The following MARK4 variants were observed in gnomAD, a reference collection of about 807,000 sequenced individuals.
MARK4 encodes microtubule affinity regulating kinase 4, also known as MAP/microtubule affinity-regulating kinase 4.
MARK4 carries 19 observed loss-of-function variants against 81.5 expected under a neutral mutation model. The observed-to-expected ratio is 0.23, with a 90% CI of 0.16 to 0.34. MARK4 has a LOEUF of 0.34. Among genes scored for constraint, MARK4 ranks in the 10% least tolerant of loss-of-function variants. The pLI is 1.00. For missense variants in MARK4, 772 were observed against 1,058.8 expected (o/e 0.73, Z 3.76); for synonymous variants, 436 against 439.0 (o/e 0.99, Z 0.08).
chr19:45,274,871 G>A (rs1206474619), intron 8 of MARK4, among the ~76,000 whole-genome samples: 1 of 152,236 alleles, frequency 6.6e-6, no homozygotes, highest in Non-Finnish European at 1.5e-5. Context: ...ACACAGCTGA[G>A]AAGAGGCAGG....
chr19:45,276,323 G>A (rs1001600087), intron 8 of MARK4, among the ~76,000 whole-genome samples: 1 of 152,182 alleles, frequency 6.6e-6, no homozygotes, highest in Non-Finnish European at 1.5e-5. Context: ...CACCACGCCT[G>A]GCCTATTGCG....
Position 45,263,156 on chromosome 19 carries a change from G to A in MARK4, c.296G>A (p.Ser99Asn). The change falls in exon 3 of 17, where the codon AGC becomes AAC. Residue 99 changes from serine to asparagine, a missense_variant. Ser to Asn is a conservative substitution (Grantham distance 46, BLOSUM62 1). Coordinates refer to ENST00000262891, the MANE Select transcript of MARK4 (RefSeq NM_001199867.2). Reference protein sequence around the residue: ...IIDKTQLNPSSLQKLFREVRI... With the variant: ...IIDKTQLNPSNLQKLFREVRI... ...GACAAAACCCAGCTGAATCCCAGCA[G>A]CCTGCAGAAGGTGAGGCTGGGGAGA... The A allele has an allele frequency of 6.2e-7, 1 of 1,609,122 alleles. No homozygotes were observed. Among genetic ancestry groups the A allele is most frequent in the Non-Finnish European group, 8.5e-7 (1 of 1,177,668 alleles).
chr19:45,304,845 AAG>A lies in MARK4; in HGVS notation c.*2142_*2143del, dbSNP rs1232196668. ...ATGGCACATACAAGGGCCAGGGAGC[AAG>A]AGAGAGGACAGGTCCTCAACAAATG... On this transcript the variant is annotated 3_prime_UTR_variant, in exon 17 of 17. Coordinates refer to ENST00000262891, the MANE Select transcript of MARK4 (RefSeq NM_001199867.2). The A allele has an allele frequency of 2.0e-5, 3 of 152,388 alleles. No individual in the cohort carries two copies. Among genetic ancestry groups the A allele is most frequent in the African/African-American group, 7.2e-5 (3 of 41,468 alleles). The allele number at this position is 152,388 out of a possible 1,614,324, so 9.4% of individuals were successfully genotyped here.
chr19:45,302,360 TC>T lies in MARK4; in HGVS notation c.1923-13del. On this transcript the variant is annotated splice_polypyrimidine_tract_variant and intron_variant, in intron 16 of 16. Coordinates refer to ENST00000262891, the MANE Select transcript of MARK4 (RefSeq NM_001199867.2). The surrounding 1 kb of genome is among the most constrained non-coding windows in gnomAD (Gnocchi z 4.9). ...TCGCTCCCATCTCTGACCCCTGACA[TC>T]TTCTCGCCTCAGTTGCCATCTACCT... The T allele has an allele frequency of 6.2e-7, 1 of 1,614,078 alleles. No individual in the cohort carries two copies. The highest frequency in any genetic ancestry group is 8.5e-7 in the Non-Finnish European group (1 of 1,179,942).
intron 15 of MARK4, among the ~76,000 whole-genome samples, 160 bp from the exon 16 acceptor site, chr19:45,299,651 T>G (rs1458376802): frequency 6.6e-6 from 1 of 152,180 alleles, no homozygotes; most frequent in Non-Finnish European, 1.5e-5. Context: ...AGCCCCGTTA[T>G]GGGGATGGAC....
chr19:45,278,792 A>G (rs1318415292), intron 10 of MARK4, among the ~76,000 whole-genome samples, 177 bp downstream of exon 10: 2 of 152,130 alleles, frequency 1.3e-5, no homozygotes, highest in Non-Finnish European at 2.9e-5. Flanking sequence ...TTTAGTAGAG[A>G]CAGGGTTTTG....
chr19:45,284,448 G>A (rs548371803), intron 12 of MARK4, among the ~76,000 whole-genome samples: 4 of 151,666 alleles, frequency 2.6e-5, no homozygotes, highest in African/African-American at 4.8e-5. Context: ...TCAGCCTCCC[G>A]AGTAGCTGGG....
At chr19:45,295,745 C>G (rs1027001276) in intron 14 of MARK4, among the ~76,000 whole-genome samples, 4 of 152,120 alleles carry the variant, frequency 2.6e-5, no homozygotes, top group African/African-American at 9.7e-5. Context: ...CGCCACTGTA[C>G]TCCAGCCTGA....
chr19:45,254,340 G>A (rs1016081353), intron 1 of MARK4, among the ~76,000 whole-genome samples: 4 of 152,170 alleles, frequency 2.6e-5, no homozygotes, highest in African/African-American at 9.7e-5. Context: ...TGCCTTCAGC[G>A]TGGTGCCATC....
At chr19:45,290,237 G>A (rs1251978865) in intron 13 of MARK4, among the ~76,000 whole-genome samples, 1 of 152,254 alleles carries the variant, frequency 6.6e-6, no homozygotes, top group Non-Finnish European at 1.5e-5. Flanking sequence ...AAACACCCAA[G>A]GCAAACCAAG....
rs1970234876 is a variant in MARK4, at chr19:45,251,312, T to G, written c.-277T>G. On this transcript the variant is annotated 5_prime_UTR_variant, in exon 1 of 17. Transcript: ENST00000262891. ...TCCACCGCCTCCCTCCGCCGCCGCT[T>G]GGGCCGGCTCCGCGCCCCCTCCGCG... 1.6e-5 allele frequency: 2 copies of G among 128,436 alleles called. No homozygotes were observed. The highest frequency in any genetic ancestry group is 5.0e-4 in the South Asian group (2 of 3,998). The allele number at this position is 128,436 out of a possible 1,614,324, so 8.0% of individuals were successfully genotyped here. A position where few individuals can be genotyped will look rare whatever the true frequency, so the allele number is the denominator to read the frequency against.
rs345413 is a variant in MARK4, at chr19:45,271,210, C to A, written c.550-262C>A. Among the ~76,000 whole-genome samples, 993 of 152,278 alleles carry A rather than the reference C, an allele frequency of 6.5e-3. 18 individuals are homozygous for A. Among genetic ancestry groups the A allele is most frequent in the African/African-American group, 0.022 (920 of 41,558 alleles). On this transcript the variant is annotated intron_variant, in intron 7 of 16. Coordinates refer to ENST00000262891, the MANE Select transcript of MARK4 (RefSeq NM_001199867.2). This position sits in a 1 kb window ranked among gnomAD's most constrained non-coding sequence, Gnocchi z 4.1. ...CGTGAGCCACTATGTCTGGCCTGTG[C>A]TAGGTTTTCTATGTGGATTAACTCA... is the stretch of plus-strand genomic sequence containing the variant.
At chr19:45,257,917 CTG>C (rs1970330133) in intron 1 of MARK4, among the ~76,000 whole-genome samples, 1 of 150,392 alleles carries the variant, frequency 6.6e-6, no homozygotes, top group Non-Finnish European at 1.5e-5. Flanking sequence ...TCTCAATCTC[CTG>C]ACCTCGTGAT....
intron 12 of MARK4, among the ~76,000 whole-genome samples, chr19:45,285,114 C>T (rs1410582864): frequency 6.6e-6 from 1 of 151,590 alleles, no homozygotes; most frequent in Non-Finnish European, 1.5e-5. Context: ...AAACAATTAG[C>T]TGGGCATGGT....
chr19:45,278,689 C>T (rs990299111), intron 10 of MARK4, 74 bp downstream of exon 10: 52 of 1,105,894 alleles, frequency 4.7e-5, no homozygotes, highest in East Asian at 2.5e-4. Flanking sequence ...CTGCAACCTC[C>T]GCCTCCCAGA....
At chr19:45,282,482 C>G (rs1970688855) in intron 12 of MARK4, among the ~76,000 whole-genome samples, 1 of 149,710 alleles carries the variant, frequency 6.7e-6, no homozygotes, top group Non-Finnish European at 1.5e-5. Flanking sequence ...TGCTTGAGCC[C>G]AGGAGTTCTA....
chr19:45,302,404 C>T lies in MARK4; in HGVS notation c.1953C>T (p.Thr651=), dbSNP rs927594279. 7.4e-6 allele frequency: 12 copies of T among 1,614,184 alleles called. No homozygotes were observed. Among genetic ancestry groups the T allele is most frequent in the Non-Finnish European group, 1.0e-5 (12 of 1,179,996 alleles). ...ATCTACCTTGGGATCAAACGGAAACCGCCCCCCGGCTGCTCCGATTCCCCT... is the reference window on the plus strand; with the variant it reads ...ATCTACCTTGGGATCAAACGGAAACTGCCCCCCGGCTGCTCCGATTCCCCT... ...SCHLPWDQTE[T]APRLLRFPWS... is the part of the protein sequence containing the mutation. The change falls in exon 17 of 17, where the codon ACC becomes ACT. Residue 651 remains threonine (T), a synonymous_variant. Transcript: ENST00000262891. The surrounding 1 kb of genome is among the most constrained non-coding windows in gnomAD (Gnocchi z 4.9).
intron 13 of MARK4, 61 bp downstream of exon 13, chr19:45,287,725 C>T (rs1970764463): frequency 6.5e-7 from 1 of 1,541,948 alleles, no homozygotes; most frequent in Non-Finnish European, 8.8e-7. Flanking sequence ...TTCCTCAGGC[C>T]CTGCCTTCAT....
chr19:45,290,546 G>C (rs1401779064), intron 13 of MARK4, among the ~76,000 whole-genome samples: 2 of 152,268 alleles, frequency 1.3e-5, no homozygotes, highest in Non-Finnish European at 2.9e-5. Context: ...ACTGTGACCG[G>C]CTTTGACCAG....
Sources: gnomAD v4.1 joint callset for allele counts (sites outside exome capture counted in the v4.1 genomes callset) on GRCh38, gnomAD v4.1.1 for gene constraint, Gnocchi (gnomAD v3.1) non-coding constraint, MANE v1.5 for transcripts, NCBI Gene and HGNC (gene_info 2026-07-23, HGNC 2026-07-21) for gene names.